EXOC6B: variants seen among roughly 807,000 people sequenced by gnomAD.
EXOC6B encodes SEC15 homolog B.
In EXOC6B, 54 loss-of-function variants were observed where a neutral mutation model predicts 113.5. The ratio of observed to expected loss-of-function variants is 0.48; its 90% CI spans 0.38 to 0.60. EXOC6B has a LOEUF of 0.60. Among genes scored for constraint, EXOC6B ranks in the 20% least tolerant of loss-of-function variants. The pLI, the probability that EXOC6B is intolerant of heterozygous loss-of-function variation, is 0.00. For synonymous variants in EXOC6B, 357 were observed against 339.0 expected, an observed-to-expected ratio of 1.05 and a Z score of -0.58; for missense variants, 797 against 977.5, an observed-to-expected ratio of 0.82 and a Z score of 2.46.
At chr2:72,454,790 TAGC>T (rs1697118583) in intron 18 of EXOC6B, among the ~76,000 whole-genome samples, 1 of 152,154 alleles carries the variant, frequency 6.6e-6, no homozygotes, top group African/African-American at 2.4e-5. Flanking sequence ...TTGGTAATAG[TAGC>T]TTTATGGGGA....
chr2:72,218,105 A>G (rs966387116), intron 20 of EXOC6B, among the ~76,000 whole-genome samples: 2 of 152,092 alleles, frequency 1.3e-5, no homozygotes, highest in Non-Finnish European at 2.9e-5. Flanking sequence ...TGAAGGGAGG[A>G]GGTTTTGCCG....
chr2:72,825,025 A>G lies in EXOC6B; in HGVS notation c.113+773T>C, dbSNP rs1011397067. 2.6e-5 allele frequency among the ~76,000 whole-genome samples: 4 copies of G among 152,192 alleles called. No homozygotes were observed. The highest frequency in any genetic ancestry group is 5.9e-5 in the Non-Finnish European group (4 of 68,024). On this transcript the variant is annotated intron_variant, in intron 1 of 21. Coordinates refer to ENST00000272427, the MANE Select transcript of EXOC6B (RefSeq NM_015189.3). This position sits in a 1 kb window ranked among gnomAD's most constrained non-coding sequence, Gnocchi z 4.4. ...TTGTTTTGTAGCTTAAATAAGTTGC[A>G]TTTGTAAATCACTTTATACAACGTC...
chr2:72,182,966 A>G (rs898616588), intron 21 of EXOC6B: 21 of 1,164,628 alleles, frequency 1.8e-5, no homozygotes, highest in Middle Eastern at 6.4e-4. Flanking sequence ...TGGAAACATC[A>G]ATCTCTGACG....
chr2:72,248,828 T>A, intron 20 of EXOC6B, among the ~76,000 whole-genome samples: 1 of 151,536 alleles, frequency 6.6e-6, no homozygotes, highest in African/African-American at 2.4e-5. Flanking sequence ...ATTAGAAAAA[T>A]AGGAAAGAAA....
intron 1 of EXOC6B, among the ~76,000 whole-genome samples, chr2:72,752,003 C>G (rs576320959): frequency 6.6e-6 from 1 of 152,230 alleles, no homozygotes; most frequent in South Asian, 2.1e-4. Context: ...CAGAAGCTTG[C>G]TATGATGGAG....
At chr2:72,626,935 A>T (rs1316791564) in intron 6 of EXOC6B, among the ~76,000 whole-genome samples, 2 of 152,212 alleles carry the variant, frequency 1.3e-5, no homozygotes, top group East Asian at 3.8e-4. Context: ...ATTCTGGTCT[A>T]TGCCTTATTA....
chr2:72,605,908 A>G (rs1238633230), intron 6 of EXOC6B, among the ~76,000 whole-genome samples: 2 of 152,148 alleles, frequency 1.3e-5, no homozygotes, highest in Non-Finnish European at 2.9e-5. Flanking sequence ...AACACTCTCG[A>G]TATGTGTGAC....
intron 18 of EXOC6B, among the ~76,000 whole-genome samples, chr2:72,391,540 G>A (rs945779728): frequency 3.3e-5 from 5 of 152,074 alleles, no homozygotes; most frequent in African/African-American, 1.2e-4. Context: ...TCCTGTGTGG[G>A]CTGCTGAGCT....
chr2:72,265,766 C>A (rs1475742179), intron 20 of EXOC6B, among the ~76,000 whole-genome samples: 1 of 152,030 alleles, frequency 6.6e-6, no homozygotes, highest in Non-Finnish European at 1.5e-5. Context: ...TGGGTATATA[C>A]CCAGTAATGG....
intron 19 of EXOC6B, among the ~76,000 whole-genome samples, chr2:72,339,898 A>G (rs1688924479): frequency 6.6e-6 from 1 of 152,200 alleles, no homozygotes; most frequent in Non-Finnish European, 1.5e-5. Context: ...ATTCTCATAC[A>G]CACAAATATA....
At chr2:72,296,230 AT>A (rs886158602) in intron 20 of EXOC6B, among the ~76,000 whole-genome samples, 9 of 152,152 alleles carry the variant, frequency 5.9e-5, no homozygotes, top group Non-Finnish European at 1.0e-4. Flanking sequence ...TAAGTTTCTA[AT>A]GTGATATAGT....
At chr2:72,411,944 T>C (rs1342822654) in intron 18 of EXOC6B, among the ~76,000 whole-genome samples, 1 of 152,138 alleles carries the variant, frequency 6.6e-6, no homozygotes, top group Non-Finnish European at 1.5e-5. Flanking sequence ...TATGTATGTT[T>C]AAGATGAAAA....
chr2:72,496,975 T>C (rs1163073108), intron 13 of EXOC6B, among the ~76,000 whole-genome samples: 1 of 147,232 alleles, frequency 6.8e-6, no homozygotes, highest in Non-Finnish European at 1.5e-5. Context: ...TTATTATTAT[T>C]ATTATTATTA....
At chr2:72,560,746 A>G (rs967699696) in intron 7 of EXOC6B, among the ~76,000 whole-genome samples, 1 of 152,044 alleles carries the variant, frequency 6.6e-6, no homozygotes, top group African/African-American at 2.4e-5. Flanking sequence ...ATAGCACTGT[A>G]TACTCTGTAA....
intron 19 of EXOC6B, among the ~76,000 whole-genome samples, chr2:72,353,386 T>TGTATTGTATTGTATTGTATTGTATTG (rs774320429): frequency 1.6e-4 from 25 of 151,528 alleles, no homozygotes; most frequent in Middle Eastern, 3.4e-3. Flanking sequence ...TGTATCGTAT[T>TGTATTGTATTGTATTGTATTGTATTG]TTTGAGATGG....
At chr2:72,592,965 C>T (rs1397854107) in intron 6 of EXOC6B, among the ~76,000 whole-genome samples, 1 of 152,102 alleles carries the variant, frequency 6.6e-6, no homozygotes, top group African/African-American at 2.4e-5. Context: ...AGCCCCACCC[C>T]TTGACATCAA....
chr2:72,182,413 C>A (rs554143723), intron 21 of EXOC6B, among the ~76,000 whole-genome samples: 140 of 152,232 alleles, frequency 9.2e-4, no homozygotes, highest in Non-Finnish European at 1.4e-3. Context: ...TTAAGCACCA[C>A]CTCAAAGGTC....
chr2:72,709,684 A>G (rs1392883985), intron 6 of EXOC6B, among the ~76,000 whole-genome samples: 1 of 152,124 alleles, frequency 6.6e-6, no homozygotes, highest in Non-Finnish European at 1.5e-5. Flanking sequence ...CTTTTTTTTA[A>G]TTTCTTTTTT....
chr2:72,304,966 C>T (rs1475487855), intron 20 of EXOC6B, among the ~76,000 whole-genome samples: 4 of 152,126 alleles, frequency 2.6e-5, no homozygotes, highest in Non-Finnish European at 4.4e-5. Context: ...TGGGAGCAGA[C>T]ATATCATACA....
Sources: gnomAD v4.1 joint callset for allele counts (sites outside exome capture counted in the v4.1 genomes callset) on GRCh38, gnomAD v4.1.1 for gene constraint, Gnocchi (gnomAD v3.1) non-coding constraint, MANE v1.5 for transcripts, NCBI Gene and HGNC (gene_info 2026-07-23, HGNC 2026-07-21) for gene names.